PLOD2: variants seen among roughly 807,000 people sequenced by gnomAD.
PLOD2 encodes lysine hydroxylase 2.
In PLOD2, 65 loss-of-function variants were observed where a neutral mutation model predicts 101.0. The ratio of observed to expected loss-of-function variants is 0.64; its 90% CI spans 0.53 to 0.79. PLOD2 has a LOEUF of 0.79. Among genes scored for constraint, PLOD2 ranks in the 30% least tolerant of loss-of-function variants. The probability of loss-of-function intolerance (pLI) is 0.00; values close to 1 mark genes in which losing one functional copy is unlikely to be tolerated. For missense variants in PLOD2, 909 were observed against 914.6 expected (o/e 0.99, Z 0.08); for synonymous variants, 314 against 302.9 (o/e 1.04, Z -0.38).
rs954511813 is a variant in PLOD2, at chr3:146,104,751, G to A, written c.616-409C>T. ...CAGGAATATTCTCTCTAGGGTCTAT[G>A]GAAGACTGCTTATTGTACCCAACAT... On this transcript the variant is annotated intron_variant, in intron 5 of 19. Coordinates refer to ENST00000282903, the MANE Select transcript of PLOD2 (RefSeq NM_182943.3). Among the ~76,000 whole-genome samples the A allele has an allele frequency of 5.3e-5, 8 of 152,128 alleles. No homozygotes were observed. The East Asian group carries it at 1.5e-3, about 29-fold the overall frequency.
intron 11 of PLOD2, among the ~76,000 whole-genome samples, chr3:146,084,321 A>C (rs1444083550): frequency 6.6e-6 from 1 of 152,082 alleles, no homozygotes; most frequent in African/African-American, 2.4e-5. Context: ...GAGAGGTCTT[A>C]GATTTTTGAA....
Position 146,148,334 on chromosome 3 carries a change from G to GCAGGCACACACACA in PLOD2, c.109+12546_109+12547insTGTGTGTGTGCCTG, listed in dbSNP as rs111340998. On this transcript the variant is annotated intron_variant, in intron 1 of 19. Coordinates refer to ENST00000282903, the MANE Select transcript of PLOD2 (RefSeq NM_182943.3). ...TTTATACAGGCAGGCAGGCAGGCAG[G>GCAGGCACACACACA]CACGCACACACACACACACACACAC... is the stretch of plus-strand genomic sequence containing the variant. Among the ~76,000 whole-genome samples, 62 of 25,532 alleles carry GCAGGCACACACACA rather than the reference G, an allele frequency of 2.4e-3. 1 individual carries two copies. Among genetic ancestry groups the GCAGGCACACACACA allele is most frequent in the African/African-American group, 6.3e-3 (59 of 9,358 alleles). The allele number at this position is 25,532 out of a possible 152,430, so 16.7% of individuals were successfully genotyped here.
chr3:146,155,164 G>A (rs1236489246), intron 1 of PLOD2, among the ~76,000 whole-genome samples: 2 of 151,984 alleles, frequency 1.3e-5, no homozygotes, highest in Non-Finnish European at 2.9e-5. Flanking sequence ...GCTTTAAGGT[G>A]GTAAGCAGAA....
chr3:146,076,901 T>C lies in PLOD2; in HGVS notation c.1564-6A>G, dbSNP rs1252846762. The stretch of plus-strand genomic sequence containing the variant: ...GAAATGTACATAAATACACCCTATA[T>C]GCCAGAAAATAACAGTATTAATCTT... On this transcript the variant is annotated splice_region_variant and splice_polypyrimidine_tract_variant and intron_variant, in intron 14 of 19. Transcript: ENST00000282903. 4 of 1,498,248 alleles carry C rather than the reference T, an allele frequency of 2.7e-6. No individual in the cohort carries two copies. Among genetic ancestry groups the C allele is most frequent in the South Asian group, 1.1e-5 (1 of 88,090 alleles). The allele number at this position is 1,498,248 out of a possible 1,614,324, so 92.8% of individuals were successfully genotyped here. A position where few individuals can be genotyped will look rare whatever the true frequency, so the allele number is the denominator to read the frequency against.
In PLOD2 at chr3:146,121,243, A is replaced by T; in HGVS notation, c.207T>A (p.Leu69=). The change falls in exon 3 of 20, where the codon CTT becomes CTA. Residue 69 remains leucine (L), a synonymous_variant. Coordinates refer to ENST00000282903, the MANE Select transcript of PLOD2 (RefSeq NM_182943.3). ...CACCTCTCCATTCTTCTCCTTGACC[A>T]AGGACCTATAAACAAAATCAACATT... ...AKYFNYTVKV[L]GQGEEWRGGD... 6.2e-7 allele frequency: 1 copy of T among 1,612,234 alleles called. No individual in the cohort carries two copies. Among genetic ancestry groups the T allele is most frequent in the Non-Finnish European group, 8.5e-7 (1 of 1,178,684 alleles).
chr3:146,146,234 T>C (rs2031769996), intron 1 of PLOD2, among the ~76,000 whole-genome samples: 2 of 148,632 alleles, frequency 1.3e-5, no homozygotes, highest in African/African-American at 5.0e-5. Context: ...AATAATTTAA[T>C]GCTTTGCCAA....
chr3:146,111,469 T>C (rs2108071327), intron 3 of PLOD2, among the ~76,000 whole-genome samples: 1 of 152,202 alleles, frequency 6.6e-6, no homozygotes, highest in South Asian at 2.1e-4. Context: ...AAAAGTAGTA[T>C]CTATATCCTC....
chr3:146,120,998 GGC>G (rs2030089293), intron 3 of PLOD2, 112 bp downstream of exon 3: 1 of 829,106 alleles, frequency 1.2e-6, no homozygotes. Flanking sequence ...TAGGATTACA[GGC>G]GTGAGCCACC....
Position 146,071,267 on chromosome 3 carries a change from G to C in PLOD2, c.1995+10C>G. 6.2e-7 allele frequency: 1 copy of C among 1,611,408 alleles called. No individual in the cohort carries two copies. Among genetic ancestry groups the C allele is most frequent in the Non-Finnish European group, 8.5e-7 (1 of 1,178,170 alleles). ...TAAGAAATAGGCTGGAGGGGTGAGA[G>C]GATAACTACCTTCGTATAATAGCCT... On this transcript the variant is annotated intron_variant, in intron 18 of 19. Coordinates refer to ENST00000282903, the MANE Select transcript of PLOD2 (RefSeq NM_182943.3).
At chr3:146,120,647 C>T (rs926302739) in intron 3 of PLOD2, among the ~76,000 whole-genome samples, 1 of 152,166 alleles carries the variant, frequency 6.6e-6, no homozygotes. Context: ...AGAGCTTCTG[C>T]ACAGCAAAAG....
intron 1 of PLOD2, among the ~76,000 whole-genome samples, chr3:146,154,270 G>C (rs2032197658): frequency 1.3e-5 from 2 of 152,020 alleles, no homozygotes; most frequent in Non-Finnish European, 2.9e-5. Flanking sequence ...ATTCAAACTT[G>C]AAATACGGTT....
chr3:146,105,572 A>C (rs1472720242), intron 5 of PLOD2, among the ~76,000 whole-genome samples: 1 of 152,244 alleles, frequency 6.6e-6, no homozygotes, highest in African/African-American at 2.4e-5. Flanking sequence ...TTTCAAATTA[A>C]AAACTGTCTT....
At chr3:146,103,525 T>C (rs1006897359) in intron 6 of PLOD2, among the ~76,000 whole-genome samples, 1 of 150,998 alleles carries the variant, frequency 6.6e-6, no homozygotes, top group Non-Finnish European at 1.5e-5. Flanking sequence ...AAGGACACAA[T>C]CACAGGTCAT....
At chr3:146,139,100 T>TAGAG (rs1194777973) in intron 1 of PLOD2, among the ~76,000 whole-genome samples, 1 of 152,128 alleles carries the variant, frequency 6.6e-6, no homozygotes, top group African/African-American at 2.4e-5. Context: ...TGTTCTAGGT[T>TAGAG]AGAGACCATG....
At chr3:146,116,707 G>A (rs151171567) in intron 3 of PLOD2, among the ~76,000 whole-genome samples, 5 of 152,248 alleles carry the variant, frequency 3.3e-5, no homozygotes, top group African/African-American at 1.2e-4. Context: ...GTTACAACTG[G>A]AGGTTACTAG....
chr3:146,088,167 A>T (rs1398043430), intron 9 of PLOD2, among the ~76,000 whole-genome samples: 2 of 151,674 alleles, frequency 1.3e-5, no homozygotes, highest in African/African-American at 2.4e-5. Flanking sequence ...TTGTGTAATT[A>T]ATCAAAACAG....
intron 1 of PLOD2, among the ~76,000 whole-genome samples, chr3:146,156,304 A>C (rs1004535334): frequency 1.3e-5 from 2 of 152,176 alleles, no homozygotes; most frequent in African/African-American, 4.8e-5. Flanking sequence ...CTCCTAAGGC[A>C]AGGTTCGGCA....
rs779694346 is a variant in PLOD2, at chr3:146,085,152, C to T, written c.1232+17G>A. 20 of 1,100,106 alleles carry T rather than the reference C, an allele frequency of 1.8e-5. No homozygotes were observed. The African/African-American group carries it at 2.0e-4, about 11-fold the overall frequency. 68.1% of individuals were successfully genotyped at this position (1,100,106 alleles called of 1,614,324 possible). ...AATCATTTTAACAATAAATTGATAT[C>T]GAATTTTAGAAAGTACCTGTTTTGT... On this transcript the variant is annotated intron_variant, in intron 11 of 19. Coordinates refer to ENST00000282903, the MANE Select transcript of PLOD2 (RefSeq NM_182943.3).
intron 10 of PLOD2, chr3:146,086,355 G>A (rs73148936): frequency 0.089 from 13,525 of 152,730 alleles, 775 homozygotes; most frequent in South Asian, 0.14. Context: ...TACAATGCCC[G>A]TTTCTTGGGA....
Sources: gnomAD v4.1 joint callset for allele counts (sites outside exome capture counted in the v4.1 genomes callset) on GRCh38, gnomAD v4.1.1 for gene constraint, MANE v1.5 for transcripts, NCBI Gene and HGNC (gene_info 2026-07-23, HGNC 2026-07-21) for gene names.